Variants in NDRG2 observed in about 807,000 individuals in gnomAD.
NDRG2 encodes NDRG family member 2, also known as protein NDRG2.
Under a neutral mutation model 58.2 loss-of-function variants are expected in NDRG2, and 34 were observed. That is an observed-to-expected ratio of 0.58 (90% CI 0.44 to 0.78). NDRG2 has a LOEUF of 0.78. NDRG2 is among the 30% of genes least tolerant of loss of function. The pLI, the probability that NDRG2 is intolerant of heterozygous loss-of-function variation, is 0.00. For missense variants in NDRG2, 434 were observed against 471.2 expected, an observed-to-expected ratio of 0.92 and a Z score of 0.73; for synonymous variants, 187 against 175.9, an observed-to-expected ratio of 1.06 and a Z score of -0.50.
intron 1 of NDRG2, among the ~76,000 whole-genome samples, chr14:21,039,074 T>C (rs1437309831): frequency 6.6e-6 from 1 of 152,194 alleles, no homozygotes; most frequent in Non-Finnish European, 1.5e-5. Context: ...GGCTTTCCAT[T>C]GGTATCCAGA....
intron 12 of NDRG2, 39 bp from the exon 13 acceptor site, chr14:21,018,543 C>T: frequency 6.2e-7 from 1 of 1,608,270 alleles, no homozygotes. Context: ...AGGTCACGCC[C>T]ACTGTGGCGC....
intron 4 of NDRG2, 95 bp from the exon 5 acceptor site, chr14:21,022,277 C>T (rs1393697332): frequency 6.3e-7 from 1 of 1,593,692 alleles, no homozygotes; most frequent in Non-Finnish European, 8.6e-7. Flanking sequence ...ACAGTCAGAC[C>T]AGGAGAGAAC....
intron 1 of NDRG2, chr14:21,043,573 C>G (rs1885012767): frequency 9.2e-6 from 7 of 760,638 alleles, no homozygotes; most frequent in Admixed American, 8.5e-5. Flanking sequence ...GGGGCTGTTC[C>G]TGGTTCAGCC....
rs148134331 is a variant in NDRG2 at position 21,044,940 on chromosome 14, A to G, written c.25-21619T>C. 7.2e-3 allele frequency among the ~76,000 whole-genome samples: 1,095 copies of G among 152,298 alleles called. 14 individuals carry two copies. The highest frequency in any genetic ancestry group is 0.025 in the African/African-American group (1,037 of 41,548). On this transcript the variant is annotated intron_variant, in intron 1 of 14. Transcript: ENST00000403829. ...GGTGTAAATCCTGACTCCCGTCTAC[A>G]TGACCTCGAACAATTGGCTTGTCTG...
chr14:21,040,169 AC>A (rs758714520), intron 1 of NDRG2, among the ~76,000 whole-genome samples: 2 of 152,196 alleles, frequency 1.3e-5, no homozygotes, highest in Admixed American at 6.5e-5. Flanking sequence ...AGTTTGGGAT[AC>A]CTTAACAAAG....
In NDRG2 at chr14:21,023,799, C is replaced by G. The variant is rs1324533604; in HGVS notation, c.-7+231G>C. 1.1e-4 allele frequency: 24 copies of G among 208,886 alleles called. No individual in the cohort carries two copies. The Admixed American group carries it at 1.4e-3, about 12-fold the overall frequency. 12.9% of individuals were successfully genotyped at this position (208,886 alleles called of 1,614,324 possible). On this transcript the variant is annotated intron_variant, in intron 1 of 15. Coordinates refer to ENST00000556147, the MANE Select transcript of NDRG2 (RefSeq NM_001320329.2). ...CCTTCAATTAAAGCCCCAAAGTCGG[C>G]AGCTCAAAGGGGGCTAAAAATGACC...
At chr14:21,019,312 C>A (rs1878752108) in intron 10 of NDRG2, 152 bp from the exon 11 acceptor site, 1 of 751,024 alleles carries the variant, frequency 1.3e-6, no homozygotes, top group Non-Finnish European at 2.1e-6. Flanking sequence ...AAGGGGCAGG[C>A]AGGCCCCAAG....
upstream of NDRG2, chr14:21,025,459 G>T (rs1022126709): frequency 2.4e-5 from 24 of 985,358 alleles, no homozygotes; most frequent in Non-Finnish European, 2.8e-5. This position sits in a 1 kb window ranked among gnomAD's most constrained non-coding sequence, Gnocchi z 5.1. Flanking sequence ...AACCGGTAGT[G>T]GGGAGACGAA....
chr14:21,054,901 C>A (rs992816552), intron 1 of NDRG2, among the ~76,000 whole-genome samples: 1 of 152,050 alleles, frequency 6.6e-6, no homozygotes, highest in Non-Finnish European at 1.5e-5. Flanking sequence ...ATTTTAGATG[C>A]TAATTAAATG....
chr14:21,070,476 G>C lies in NDRG2; in HGVS notation c.24+352C>G. ...CTCCGGGCCCCCAAGTCCTCAGCCT[G>C]GTGCCTCCCGAGCCTGCCTCGGACT... is the stretch of plus-strand genomic sequence containing the variant. On this transcript the variant is annotated intron_variant, in intron 1 of 14. Transcript: ENST00000403829. The surrounding 1 kb of genome is among the most constrained non-coding windows in gnomAD (Gnocchi z 4.7). 7.4e-7 allele frequency: 1 copy of C among 1,347,924 alleles called. No homozygotes were observed. The highest frequency in any genetic ancestry group is 9.5e-7 in the Non-Finnish European group (1 of 1,053,328). 83.5% of individuals were successfully genotyped at this position (1,347,924 alleles called of 1,614,324 possible).
chr14:21,025,298 AC>A, upstream of NDRG2: 2 of 933,770 alleles, frequency 2.1e-6, no homozygotes, highest in South Asian at 9.9e-5. This position sits in a 1 kb window ranked among gnomAD's most constrained non-coding sequence, Gnocchi z 5.1. Flanking sequence ...ACATTCCACC[AC>A]CCCCTCCCCG....
At chr14:21,052,943 T>G (rs1218690806) in intron 1 of NDRG2, among the ~76,000 whole-genome samples, 1 of 152,164 alleles carries the variant, frequency 6.6e-6, no homozygotes, top group East Asian at 1.9e-4. Flanking sequence ...CCCTCCATAC[T>G]TTGATCATGC....
chr14:21,062,764 A>C (rs1886034986), intron 1 of NDRG2, among the ~76,000 whole-genome samples: 1 of 111,718 alleles, frequency 9.0e-6, no homozygotes, highest in South Asian at 3.1e-4. Context: ...TTTGAGATGG[A>C]GCCTCACTCT....
chr14:21,048,264 G>C (rs553385997), intron 1 of NDRG2: 1 of 152,186 alleles, frequency 6.6e-6, no homozygotes, highest in Admixed American at 6.5e-5. Flanking sequence ...ATGCTTACCT[G>C]TGCAAGACTC....
chr14:21,064,739 C>A (rs1008307071), intron 1 of NDRG2, among the ~76,000 whole-genome samples: 2 of 152,232 alleles, frequency 1.3e-5, no homozygotes, highest in Non-Finnish European at 2.9e-5. Context: ...GAAAGAGTTT[C>A]TGGGTTTGTA....
chr14:21,070,378 C>CG lies in NDRG2; in HGVS notation c.24+449dup. 1.4e-6 allele frequency: 2 copies of CG among 1,406,052 alleles called. No individual in the cohort carries two copies. The highest frequency in any genetic ancestry group is 3.1e-5 in the South Asian group (2 of 64,926). The allele number at this position is 1,406,052 out of a possible 1,614,324, so 87.1% of individuals were successfully genotyped here. ...CCCGCCCGCCCGACCAAGCGTCGGA[C>CG]GCGGCCCGGCGCCGAGCCATGGTGA... On this transcript the variant is annotated intron_variant, in intron 1 of 14. Coordinates refer to the NDRG2 transcript ENST00000403829. The surrounding 1 kb of genome is among the most constrained non-coding windows in gnomAD (Gnocchi z 4.7).
chr14:21,065,757 A>C (rs1281462305), intron 1 of NDRG2, among the ~76,000 whole-genome samples: 2 of 152,222 alleles, frequency 1.3e-5, no homozygotes, highest in East Asian at 3.8e-4. Context: ...AAGAGCAAAA[A>C]GGTGCCAAAT....
upstream of NDRG2, chr14:21,030,525 C>T (rs754352033): frequency 1.7e-4 from 266 of 1,566,532 alleles, no homozygotes; most frequent in Non-Finnish European, 2.3e-4. Context: ...CTCCCTCCCC[C>T]TTCTCCTTCA....
intron 6 of NDRG2, 89 bp from the exon 7 acceptor site, chr14:21,020,933 C>T: frequency 7.1e-7 from 1 of 1,404,646 alleles, no homozygotes; most frequent in South Asian, 1.2e-5. Flanking sequence ...ACCCTCCCTC[C>T]TGAGTCCACG....
Sources: allele counts gnomAD v4.1 joint callset (sites outside exome capture counted in the v4.1 genomes callset), GRCh38; gene constraint gnomAD v4.1.1; non-coding constraint Gnocchi (gnomAD v3.1); transcripts MANE v1.5; gene names NCBI Gene and HGNC (gene_info 2026-07-23, HGNC 2026-07-21).